The following SLC39A11 variants were observed in gnomAD, a reference collection of about 807,000 sequenced individuals.
SLC39A11 encodes zinc transporter ZIP11.
Under a neutral mutation model 36.1 loss-of-function variants are expected in SLC39A11, and 33 were observed. That is an observed-to-expected ratio of 0.91 (90% CI 0.69 to 1.22). The LOEUF (loss-of-function observed/expected upper bound fraction) is 1.22, where lower values mean the gene tolerates loss of function less well. Among genes scored for constraint, SLC39A11 ranks in the 50% most tolerant of loss-of-function variants. The pLI, the probability that SLC39A11 is intolerant of heterozygous loss-of-function variation, is 0.00. For missense variants in SLC39A11, 432 were observed against 430.3 expected, an observed-to-expected ratio of 1.00 and a Z score of -0.03; for synonymous variants, 166 against 170.3, an observed-to-expected ratio of 0.97 and a Z score of 0.20.
chr17:72,790,336 G>C (rs895638783), intron 6 of SLC39A11, among the ~76,000 whole-genome samples: 3 of 152,128 alleles, frequency 2.0e-5, no homozygotes, highest in Non-Finnish European at 4.4e-5. Flanking sequence ...TGGATAAACA[G>C]AACATGGTGA....
chr17:73,021,579 T>A (rs1226287849), intron 4 of SLC39A11, among the ~76,000 whole-genome samples: 1 of 152,088 alleles, frequency 6.6e-6, no homozygotes. Flanking sequence ...TGCCCAGCTC[T>A]GCCTCCCAAA....
At chr17:72,804,282 ACT>A (rs1214249261) in intron 6 of SLC39A11, among the ~76,000 whole-genome samples, 1 of 152,128 alleles carries the variant, frequency 6.6e-6, no homozygotes, top group Non-Finnish European at 1.5e-5. Context: ...ATCTGGAACC[ACT>A]GTTATCTCCC....
intron 3 of SLC39A11, among the ~76,000 whole-genome samples, chr17:73,045,187 T>G (rs1463576478): frequency 6.6e-6 from 1 of 151,806 alleles, no homozygotes; most frequent in Admixed American, 6.6e-5. Context: ...AAACTCTAAG[T>G]ACCAGCAGTG....
At chr17:72,965,463 T>G (rs77949330) in intron 4 of SLC39A11, among the ~76,000 whole-genome samples, 6,610 of 152,238 alleles carry the variant, frequency 0.043, 161 homozygotes, top group Non-Finnish European at 0.057. Flanking sequence ...GGTTTCTCAA[T>G]TTCAGTACAA....
At chr17:72,865,005 G>A (rs955593666) in intron 5 of SLC39A11, among the ~76,000 whole-genome samples, 6 of 152,118 alleles carry the variant, frequency 3.9e-5, no homozygotes, top group Non-Finnish European at 7.4e-5. Flanking sequence ...GAAGGATAAA[G>A]ATAAACCAAA....
intron 5 of SLC39A11, among the ~76,000 whole-genome samples, chr17:72,903,552 C>T (rs1248038385): frequency 2.0e-5 from 3 of 152,110 alleles, no homozygotes; most frequent in Non-Finnish European, 4.4e-5. Context: ...GCACTGTGAC[C>T]GTAGAGGCCC....
chr17:72,815,859 T>C (rs2077565493), intron 6 of SLC39A11, among the ~76,000 whole-genome samples: 2 of 152,188 alleles, frequency 1.3e-5, no homozygotes, highest in African/African-American at 4.8e-5. Flanking sequence ...AGGTGGAGGC[T>C]GCAGTGAGCC....
intron 1 of SLC39A11, among the ~76,000 whole-genome samples, chr17:73,091,428 A>C (rs1022640230): frequency 6.6e-6 from 1 of 152,068 alleles, no homozygotes; most frequent in Admixed American, 6.5e-5. Flanking sequence ...CGGGTGACAG[A>C]GCAAGGCTCT....
chr17:72,653,441 C>A (rs1273182915), intron 7 of SLC39A11, among the ~76,000 whole-genome samples: 1 of 124,820 alleles, frequency 8.0e-6, no homozygotes, highest in South Asian at 2.6e-4. Flanking sequence ...CTTTTCTTTT[C>A]TTTTTTTTTT....
At chr17:72,710,099 C>T (rs2073054343) in intron 7 of SLC39A11, among the ~76,000 whole-genome samples, 1 of 152,170 alleles carries the variant, frequency 6.6e-6, no homozygotes, top group South Asian at 2.1e-4. Flanking sequence ...TCTTAATTTC[C>T]CTCTTCGTCC....
chr17:72,865,541 C>T (rs1463725866), intron 5 of SLC39A11, among the ~76,000 whole-genome samples: 1 of 151,598 alleles, frequency 6.6e-6, no homozygotes, highest in Non-Finnish European at 1.5e-5. Context: ...GGTAACGAGG[C>T]TCTCAAAGGA....
At chr17:72,888,909 A>C (rs1567890193) in intron 5 of SLC39A11, among the ~76,000 whole-genome samples, 1 of 152,126 alleles carries the variant, frequency 6.6e-6, no homozygotes, top group Non-Finnish European at 1.5e-5. Flanking sequence ...CTCTCAAAAA[A>C]AAAGAAAGAA....
intron 4 of SLC39A11, among the ~76,000 whole-genome samples, chr17:73,003,663 G>A (rs1202421810): frequency 4.6e-5 from 7 of 152,176 alleles, no homozygotes; most frequent in Non-Finnish European, 4.4e-5. Context: ...GCAGGACAAT[G>A]ACTGAGCCAG....
intron 4 of SLC39A11, among the ~76,000 whole-genome samples, chr17:72,974,157 GTGGCGCGATC>G (rs1568050251): frequency 6.6e-6 from 1 of 152,154 alleles, no homozygotes; most frequent in Non-Finnish European, 1.5e-5. Flanking sequence ...CTGGAGTGCA[GTGGCGCGATC>G]TGGCTCACCG....
At chr17:72,878,188 A>G (rs920463797) in intron 5 of SLC39A11, among the ~76,000 whole-genome samples, 1 of 152,122 alleles carries the variant, frequency 6.6e-6, no homozygotes, top group Middle Eastern at 3.4e-3. Context: ...CATGGTGTAT[A>G]TGTGCCACAT....
intron 5 of SLC39A11, among the ~76,000 whole-genome samples, chr17:72,909,567 ACTGT>A (rs1260109527): frequency 6.6e-6 from 1 of 152,058 alleles, no homozygotes; most frequent in African/African-American, 2.4e-5. Context: ...AAAAAAAAGA[ACTGT>A]CTATTTGTGT....
intron 3 of SLC39A11, among the ~76,000 whole-genome samples, chr17:73,038,115 T>G (rs940825866): frequency 1.7e-4 from 26 of 151,824 alleles, no homozygotes; most frequent in African/African-American, 4.6e-4. Context: ...TCCCAGCTAC[T>G]CGGGAGGCTG....
Position 72,743,213 on chromosome 17 carries a change from C to T in SLC39A11, c.602-6494G>A, listed in dbSNP as rs547786224. Among the ~76,000 whole-genome samples, 58 of 151,902 alleles carry T rather than the reference C, an allele frequency of 3.8e-4. 1 individual carries two copies. The highest frequency in any genetic ancestry group is 1.1e-3 in the African/African-American group (47 of 41,366). ...CCAGCTGGGGGGGCTAGAGCTGGGCCGTAAACCGCAGTCTCTCATTGTTTC... is the reference window on the plus strand; with the variant it reads ...CCAGCTGGGGGGGCTAGAGCTGGGCTGTAAACCGCAGTCTCTCATTGTTTC... On this transcript the variant is annotated intron_variant, in intron 6 of 9. Transcript: ENST00000255559.
intron 4 of SLC39A11, among the ~76,000 whole-genome samples, chr17:73,009,297 G>A (rs1164475414): frequency 2.0e-5 from 3 of 148,400 alleles, no homozygotes; most frequent in Admixed American, 6.8e-5. Context: ...TGAGCTTGCA[G>A]TGAGCCGAGA....
Sources: gnomAD v4.1 joint callset for allele counts (sites outside exome capture counted in the v4.1 genomes callset) on GRCh38, gnomAD v4.1.1 for gene constraint, MANE v1.5 for transcripts, NCBI Gene and HGNC (gene_info 2026-07-23, HGNC 2026-07-21) for gene names.